Variants in USP22 observed in about 807,000 individuals in gnomAD.
USP22 encodes ubiquitin carboxyl-terminal hydrolase 22.
In USP22, 22 loss-of-function variants were observed where a neutral mutation model predicts 68.1. The ratio of observed to expected loss-of-function variants is 0.32; its 90% confidence interval spans 0.23 to 0.46. The LOEUF is 0.46. Among genes scored for constraint, USP22 ranks in the 20% least tolerant of loss-of-function variants. The probability of loss-of-function intolerance (pLI) is 1.00; values close to 1 mark genes in which losing one functional copy is unlikely to be tolerated. For missense variants in USP22, 433 were observed against 695.8 expected (o/e 0.62, Z 4.25); for synonymous variants, 279 against 274.2 (o/e 1.02, Z -0.17).
intron 3 of USP22, among the ~76,000 whole-genome samples, chr17:21,020,237 C>CA (rs1972135963): frequency 5.8e-5 from 1 of 17,376 alleles, no homozygotes; most frequent in Non-Finnish European, 1.1e-4. Context: ...CTGTCAGAAT[C>CA]AAAAACCAAA....
At chr17:21,025,905 G>T (rs2079771673) in intron 2 of USP22, among the ~76,000 whole-genome samples, 1 of 152,222 alleles carries the variant, frequency 6.6e-6, no homozygotes, top group African/African-American at 2.4e-5. Context: ...TTTTGAACTA[G>T]AGAGGTGGAG....
chr17:21,042,771 C>T lies in USP22; in HGVS notation c.65G>A (p.Gly22Asp), dbSNP rs915946269. 6.7e-7 allele frequency: 1 copy of T among 1,492,802 alleles called. No individual in the cohort carries two copies. Among genetic ancestry groups the T allele is most frequent in the South Asian group, 1.3e-5 (1 of 78,592 alleles). 92.5% of individuals were successfully genotyped at this position (1,492,802 alleles called of 1,614,324 possible). Residue 22 changes from glycine (G) to aspartate (D), a missense_variant, in exon 1 of 13, where the codon GGC becomes GAC. By Grantham distance (94) the Gly-to-Asp change is moderately conservative (BLOSUM62 -1). Around this residue, in one of 4 missense-constraint regions of USP22, gnomAD observed 110 missense variants for 89.9 expected, o/e 1.22. Coordinates refer to ENST00000261497, the MANE Select transcript of USP22 (RefSeq NM_015276.2). ...CTTGAAGCTGCCCAGGTGCGAGCAG[C>T]CCGGCGGCGCTACCGCCAGCTCGGC... Reference protein sequence around the residue: ...MDAELAVAPPGCSHLGSFKVD... With the variant: ...MDAELAVAPPDCSHLGSFKVD...
intron 1 of USP22, among the ~76,000 whole-genome samples, chr17:21,041,998 G>A (rs996242221): frequency 2.0e-5 from 3 of 151,360 alleles, no homozygotes; most frequent in African/African-American, 7.3e-5. Context: ...CCAGCTCCTC[G>A]CGGGCCCCGA....
At chr17:21,016,782 G>A (rs1386904665) in intron 5 of USP22, among the ~76,000 whole-genome samples, 2 of 152,188 alleles carry the variant, frequency 1.3e-5, no homozygotes, top group Non-Finnish European at 2.9e-5. Context: ...ACTGGGGGTT[G>A]ACTTCGGAGG....
At chr17:21,008,907 A>G (rs1019013604) in intron 8 of USP22, among the ~76,000 whole-genome samples, 7 of 152,000 alleles carry the variant, frequency 4.6e-5, no homozygotes, top group East Asian at 3.9e-4. Context: ...CCTGACCAAC[A>G]TAAGAGAAAT....
rs1403739699 is a variant in USP22 at position 21,004,997 on chromosome 17, C to G, written c.1323-7G>C. 1.2e-6 allele frequency: 2 copies of G among 1,614,012 alleles called. No individual in the cohort carries two copies. The highest frequency in any genetic ancestry group is 2.2e-5 in the East Asian group (1 of 44,884). On this transcript the variant is annotated splice_polypyrimidine_tract_variant and splice_region_variant and intron_variant, in intron 10 of 12. Transcript: ENST00000261497. ...ATTCATCCTGCTCTCTTTGCTGTAACAGACAACGGCAGGATTCAGCATCAT... is the reference window on the plus strand; with the variant it reads ...ATTCATCCTGCTCTCTTTGCTGTAAGAGACAACGGCAGGATTCAGCATCAT...
At chr17:21,041,350 C>T (rs1972428216) in intron 1 of USP22, among the ~76,000 whole-genome samples, 2 of 152,108 alleles carry the variant, frequency 1.3e-5, no homozygotes, top group Admixed American at 1.3e-4. Context: ...GTAATCCCAA[C>T]ACTTTGGGAG....
At chr17:21,004,785 AGCCAATAGTGGAGCTGC>A in intron 11 of USP22, 126 bp downstream of exon 11, 1 of 84,948 alleles carries the variant, frequency 1.2e-5, no homozygotes, top group Non-Finnish European at 3.4e-5. Flanking sequence ...AGCTGCGGGC[AGCCAATAGTGGAGCTGC>A]GGGCAGCCAA....
In USP22 at chr17:21,007,891, G is replaced by C. The variant is rs11541311; in HGVS notation, c.1209C>G (p.Ile403Met). Reference protein sequence around the residue: ...TKQLTMKKLPIVACFHLKRFE... With the variant: ...TKQLTMKKLPMVACFHLKRFE... ...TTACTTTGAGATGAAAACAGGCTAC[G>C]ATGGGCAGTTTCTTCATAGTGAGCT... Residue 403 changes from isoleucine (I) to methionine (M), a missense_variant, in exon 9 of 13, where the codon ATC becomes ATG. Physicochemically the swap from Ile to Met is conservative, Grantham distance 10. Coordinates refer to ENST00000261497, the MANE Select transcript of USP22 (RefSeq NM_015276.2). 6.2e-7 allele frequency: 1 copy of C among 1,613,728 alleles called. No individual in the cohort carries two copies. The highest frequency in any genetic ancestry group is 8.5e-7 in the Non-Finnish European group (1 of 1,179,830).
At chr17:21,012,690 C>T (rs951659664) in intron 7 of USP22, 140 bp downstream of exon 7, 9 of 748,534 alleles carry the variant, frequency 1.2e-5, no homozygotes, top group South Asian at 2.0e-5. Context: ...CCACAACCTT[C>T]GCTCTCATGG....
intron 1 of USP22, among the ~76,000 whole-genome samples, chr17:21,030,108 A>T (rs1050214292): frequency 6.6e-6 from 1 of 152,228 alleles, no homozygotes; most frequent in Non-Finnish European, 1.5e-5. Flanking sequence ...AACTCCATGG[A>T]TACTCAAGTC....
intron 7 of USP22, 72 bp from the exon 8 acceptor site, chr17:21,011,381 A>T: frequency 2.6e-6 from 4 of 1,529,332 alleles, no homozygotes; most frequent in Non-Finnish European, 2.7e-6. Context: ...CCGGGGTGGA[A>T]GCCGTTCCCA....
intron 5 of USP22, among the ~76,000 whole-genome samples, chr17:21,017,051 T>C (rs1026362551): frequency 2.0e-5 from 3 of 152,208 alleles, no homozygotes; most frequent in East Asian, 1.9e-4. Flanking sequence ...TTATGGCACA[T>C]TGCAGGTACT....
intron 12 of USP22, 66 bp from the exon 13 acceptor site, chr17:21,003,139 C>A: frequency 6.3e-7 from 1 of 1,589,758 alleles, no homozygotes. Flanking sequence ...GAACAACCCA[C>A]CCTACACAAA....
At chr17:21,026,827 ATTCTCGCTGTGTTG>A (rs1972226593) in intron 2 of USP22, among the ~76,000 whole-genome samples, 1 of 147,288 alleles carries the variant, frequency 6.8e-6, no homozygotes, top group Non-Finnish European at 1.5e-5. Context: ...TTTGAGACAG[ATTCTCGCTGTGTTG>A]TCCAGGCTGG....
chr17:21,011,955 C>CA (rs1828305939), intron 7 of USP22, among the ~76,000 whole-genome samples: 1 of 152,168 alleles, frequency 6.6e-6, no homozygotes. Flanking sequence ...TTCTAATACT[C>CA]AGAGACAAGG....
At chr17:21,019,319 T>G in intron 3 of USP22, 134 bp from the exon 4 acceptor site, 2 of 805,950 alleles carry the variant, frequency 2.5e-6, no homozygotes, top group Non-Finnish European at 4.2e-6. Context: ...CACCAGGGCT[T>G]TCTCAAACTC....
chr17:21,009,149 C>T (rs991997750), intron 8 of USP22, among the ~76,000 whole-genome samples: 10 of 150,422 alleles, frequency 6.6e-5, no homozygotes, highest in Non-Finnish European at 1.2e-4. Context: ...ATTTCCTGAC[C>T]GTGCAGAGGC....
chr17:21,032,135 G>A (rs1330637530), intron 1 of USP22, among the ~76,000 whole-genome samples: 2 of 148,718 alleles, frequency 1.3e-5, no homozygotes, highest in Non-Finnish European at 2.9e-5. Flanking sequence ...TCTTTCAACT[G>A]CCTACAGTGT....
Sources: allele counts gnomAD v4.1 joint callset (sites outside exome capture counted in the v4.1 genomes callset), GRCh38; gene constraint gnomAD v4.1.1; regional missense constraint gnomAD v4.1.1; transcripts MANE v1.5; gene names NCBI Gene and HGNC (gene_info 2026-07-23, HGNC 2026-07-21).